Variants in DDX46 observed in about 807,000 individuals in gnomAD.
DDX46 encodes the protein DEAD-box helicase 46.
A neutral mutation model predicts 134.9 loss-of-function variants in DDX46; 30 were observed. The ratio of observed to expected loss-of-function variants is 0.22; its 90% CI spans 0.17 to 0.30. The LOEUF is 0.30. Ranked by LOEUF, DDX46 falls within the 10% of genes least tolerant of loss-of-function variation. The pLI is 1.00. For missense variants in DDX46, 622 were observed against 1,248.7 expected (o/e 0.50, Z 7.56); for synonymous variants, 415 against 404.1 (o/e 1.03, Z -0.32).
At chr5:134,784,731 G>A (rs1428840009) in intron 10 of DDX46, 190 bp downstream of exon 10, 4 of 464,124 alleles carry the variant, frequency 8.6e-6, no homozygotes, top group Non-Finnish European at 1.4e-5. Flanking sequence ...GAGCTCTGGA[G>A]TGACATCTCA....
At chr5:134,776,532 T>C (rs1428840717) in intron 5 of DDX46, among the ~76,000 whole-genome samples, 1 of 152,182 alleles carries the variant, frequency 6.6e-6, no homozygotes. Flanking sequence ...GAGTTGGTCT[T>C]GTCTCTGGGG....
At chr5:134,822,562 A>C (rs1349171384) in intron 21 of DDX46, among the ~76,000 whole-genome samples, 1 of 151,270 alleles carries the variant, frequency 6.6e-6, no homozygotes, top group Non-Finnish European at 1.5e-5. Context: ...CTTGTCTTGA[A>C]CTCCTGGCTT....
In DDX46 at chr5:134,828,924, G is replaced by C. The variant is rs890973028; in HGVS notation, c.*218G>C. On this transcript the variant is annotated 3_prime_UTR_variant, in exon 23 of 23. Transcript: ENST00000452510. ...AGCCAGCCTGTTTTCAGAGTATGAT[G>C]TCCTTTAATGTAAACTCAAATATCA... is the stretch of plus-strand genomic sequence containing the variant. 1 of 352,702 alleles carries C rather than the reference G, an allele frequency of 2.8e-6. No individual in the cohort carries two copies. The highest frequency in any genetic ancestry group is 5.1e-6 in the Non-Finnish European group (1 of 197,508). The allele number at this position is 352,702 out of a possible 1,614,324, so 21.8% of individuals were successfully genotyped here.
At position 134,794,833 on chromosome 5, in the gene DDX46, T is replaced by C; in HGVS notation, c.1627-17T>C. 3 of 1,612,394 alleles carry C rather than the reference T, an allele frequency of 1.9e-6. No individual in the cohort carries two copies. The highest frequency in any genetic ancestry group is 2.5e-6 in the Non-Finnish European group (3 of 1,179,306). On this transcript the variant is annotated splice_polypyrimidine_tract_variant and intron_variant, in intron 13 of 22. Coordinates refer to ENST00000452510, the MANE Select transcript of DDX46 (RefSeq NM_001300860.2). ...CCATATTTACCATATTTATTTGTAA[T>C]GTTTTCTTTTTCTCAGGTCATGCGC... is the stretch of plus-strand genomic sequence containing the variant.
intron 21 of DDX46, among the ~76,000 whole-genome samples, chr5:134,821,601 CGGCTCACTGCAACGGCGCAATTTT>C (rs1332016843): frequency 4.8e-5 from 7 of 145,578 alleles, no homozygotes; most frequent in East Asian, 2.1e-4. Context: ...GGCGCAATTT[CGGCTCACTGCAACGGCGCAATTTT>C]GGCTCACTGC....
In DDX46 at chr5:134,777,563, T is replaced by C. The variant is rs781227761; in HGVS notation, c.614-11T>C. ...ACAGATGTTTAAAGAATGTGTATTC[T>C]GGTATTTTAGATGACGAAGATGATC... is the stretch of plus-strand genomic sequence containing the variant. On this transcript the variant is annotated splice_polypyrimidine_tract_variant and intron_variant, in intron 5 of 22. Transcript: ENST00000452510. The C allele has an allele frequency of 2.8e-5, 45 of 1,612,264 alleles. No homozygotes were observed. In the East Asian group the frequency reaches 1.0e-3, roughly 36 times the overall value.
At chr5:134,777,355 A>G (rs879890992) in intron 5 of DDX46, among the ~76,000 whole-genome samples, 2 of 152,198 alleles carry the variant, frequency 1.3e-5, no homozygotes, top group Admixed American at 6.5e-5. Context: ...TTTTATTCAT[A>G]TTTATTTTGT....
chr5:134,777,464 AG>A, intron 5 of DDX46, 109 bp from the exon 6 acceptor site: 1 of 1,206,696 alleles, frequency 8.3e-7, no homozygotes, highest in East Asian at 2.5e-5. Context: ...TAATTGGAAA[AG>A]GGGTGTTTGG....
intron 1 of DDX46, among the ~76,000 whole-genome samples, chr5:134,761,241 G>C (rs905260253): frequency 4.6e-5 from 7 of 152,216 alleles, no homozygotes; most frequent in Non-Finnish European, 1.0e-4. Flanking sequence ...GCCCAGGCTG[G>C]TCTCAACTCC....
rs1753585961 is a variant in DDX46, at chr5:134,766,918, C to T, written c.208C>T (p.Arg70Cys). The change falls in exon 3 of 23, where the codon CGT becomes TGT. Residue 70 changes from arginine (R) to cysteine (C), a missense_variant and splice_region_variant. Coordinates refer to ENST00000452510, the MANE Select transcript of DDX46 (RefSeq NM_001300860.2). ...SRSRDRKRLRRSRSRERDRSR... is the reference protein window; with the variant it reads ...SRSRDRKRLRCSRSRERDRSR... Reference sequence around the variant, plus strand: ...AAATGAAAAGTGTCCCCCTTTCAGACGTTCCAGAAGTAGAGAGAGAGACAG... The same window carrying T: ...AAATGAAAAGTGTCCCCCTTTCAGATGTTCCAGAAGTAGAGAGAGAGACAG... 3 of 1,610,398 alleles carry T rather than the reference C, an allele frequency of 1.9e-6. No homozygotes were observed. Among genetic ancestry groups the T allele is most frequent in the South Asian group, 1.1e-5 (1 of 90,302 alleles).
intron 5 of DDX46, among the ~76,000 whole-genome samples, chr5:134,774,470 T>C (rs1317434123): frequency 1.3e-5 from 2 of 152,212 alleles, no homozygotes; most frequent in East Asian, 3.8e-4. Flanking sequence ...GTGAACTATA[T>C]ACCCAGAAGT....
intron 3 of DDX46, among the ~76,000 whole-genome samples, chr5:134,770,116 C>T (rs1266515595): frequency 4.0e-5 from 6 of 151,744 alleles, no homozygotes; most frequent in Non-Finnish European, 5.9e-5. Flanking sequence ...TGGCTGGTCT[C>T]GAACTCCTGG....
chr5:134,763,397 T>A (rs995752900), intron 1 of DDX46, among the ~76,000 whole-genome samples: 2 of 152,176 alleles, frequency 1.3e-5, no homozygotes, highest in African/African-American at 4.8e-5. Flanking sequence ...TATGGCACGC[T>A]GTGTCACTCT....
rs577499711 is a variant in DDX46, at chr5:134,818,323, AC to A, written c.2833-535del. On this transcript the variant is annotated intron_variant, in intron 20 of 22. Coordinates refer to ENST00000452510, the MANE Select transcript of DDX46 (RefSeq NM_001300860.2). ...TGGTCAGGCTGGTCTCGAACTCCCA[AC>A]CTCAGGTGATCCGCCCACCTTAGCC... 1.1e-4 allele frequency among the ~76,000 whole-genome samples: 17 copies of A among 150,626 alleles called. No individual in the cohort carries two copies. The South Asian group carries it at 2.8e-3, about 24-fold the overall frequency.
chr5:134,821,850 C>T (rs1424257568), intron 21 of DDX46, among the ~76,000 whole-genome samples: 1 of 151,400 alleles, frequency 6.6e-6, no homozygotes, highest in African/African-American at 2.4e-5. Flanking sequence ...CCACCACGCC[C>T]GGCCTACTTC....
In DDX46 at chr5:134,791,602, A is replaced by G. The variant is rs929787909; in HGVS notation, c.1626+1050A>G. Among the ~76,000 whole-genome samples the G allele has an allele frequency of 6.6e-5, 10 of 152,236 alleles. No homozygotes were observed. In the East Asian group the frequency reaches 1.7e-3, roughly 26 times the overall value. Reference sequence around the variant, plus strand: ...GGTAGAAGGTTTTCTTAAGAAGATCATTGTGAATTGTCAGTAGGCTGTAGT... The same window carrying G: ...GGTAGAAGGTTTTCTTAAGAAGATCGTTGTGAATTGTCAGTAGGCTGTAGT... On this transcript the variant is annotated intron_variant, in intron 13 of 22. Coordinates refer to ENST00000452510, the MANE Select transcript of DDX46 (RefSeq NM_001300860.2).
intron 15 of DDX46, among the ~76,000 whole-genome samples, chr5:134,803,046 G>A (rs1302553294): frequency 6.6e-6 from 1 of 152,070 alleles, no homozygotes; most frequent in East Asian, 1.9e-4. Flanking sequence ...CCCAGGCTGT[G>A]TGCAGTGGCG....
chr5:134,823,424 C>A (rs1186175217), intron 21 of DDX46, among the ~76,000 whole-genome samples: 1 of 152,130 alleles, frequency 6.6e-6, no homozygotes, highest in Non-Finnish European at 1.5e-5. Context: ...CAGGCGAGAG[C>A]CACCACGCCC....
At chr5:134,774,494 T>G (rs1445560184) in intron 5 of DDX46, among the ~76,000 whole-genome samples, 1 of 152,244 alleles carries the variant, frequency 6.6e-6, no homozygotes, top group Non-Finnish European at 1.5e-5. Flanking sequence ...ATTGAGATTG[T>G]AAAAGCTCCT....
Sources: allele counts gnomAD v4.1 joint callset (sites outside exome capture counted in the v4.1 genomes callset), GRCh38; gene constraint gnomAD v4.1.1; transcripts MANE v1.5; gene names NCBI Gene and HGNC (gene_info 2026-07-23, HGNC 2026-07-21).